Variants in ZNG1A observed in about 807,000 individuals in gnomAD.
ZNG1A encodes Zn regulated GTPase metalloprotein activator 1A, also known as zinc-regulated GTPase metalloprotein activator 1A.
the ZNG1A span, among the ~76,000 whole-genome samples, chr9:163,196 G>A: frequency 4.6e-5 from 7 of 152,046 alleles, no homozygotes; most frequent in Non-Finnish European, 5.9e-5. Context: ...AAACATAGTC[G>A]CTTAACTAAG....
At chr9:157,616 A>G in the ZNG1A span, among the ~76,000 whole-genome samples, 8 of 149,582 alleles carry the variant, frequency 5.3e-5, no homozygotes, top group African/African-American at 2.0e-4. Context: ...CCTCATCATC[A>G]CAGGATACTA....
chr9:125,176 T>C, the ZNG1A span, among the ~76,000 whole-genome samples: 1 of 152,126 alleles, frequency 6.6e-6, no homozygotes, highest in African/African-American at 2.4e-5. Context: ...CCACCAGCAG[T>C]GTAGAAGTGT....
At chr9:173,668 A>AT in the ZNG1A span, among the ~76,000 whole-genome samples, 1 of 151,852 alleles carries the variant, frequency 6.6e-6, no homozygotes, top group Admixed American at 6.6e-5. Context: ...TCTTGAAGGC[A>AT]TTTTTTTCTT....
At chr9:162,710 A>G in the ZNG1A span, among the ~76,000 whole-genome samples, 2 of 151,076 alleles carry the variant, frequency 1.3e-5, no homozygotes, top group African/African-American at 2.5e-5. Context: ...TATAAAACAA[A>G]TAAAAATTTT....
the ZNG1A span, among the ~76,000 whole-genome samples, chr9:130,180 A>C: frequency 3.9e-3 from 584 of 150,426 alleles, 8 homozygotes; most frequent in Admixed American, 0.024. Flanking sequence ...CTATTTTTAT[A>C]GCATAAGGTA....
At chr9:174,113 C>G in the ZNG1A span, among the ~76,000 whole-genome samples, 1 of 149,758 alleles carries the variant, frequency 6.7e-6, no homozygotes, top group Admixed American at 6.7e-5. Flanking sequence ...CGCCACTGCA[C>G]TCCAGCCTGG....
At chr9:174,538 T>G in the ZNG1A span, among the ~76,000 whole-genome samples, 2 of 152,000 alleles carry the variant, frequency 1.3e-5, no homozygotes, top group Non-Finnish European at 2.9e-5. Flanking sequence ...AGAATAAATG[T>G]AATCAGTGTG....
the ZNG1A span, chr9:147,935 G>C: frequency 6.6e-6 from 1 of 151,484 alleles, no homozygotes; most frequent in Non-Finnish European, 1.5e-5. Flanking sequence ...TGAAGCAGGA[G>C]AATCGCCTGA....
At chr9:120,896 C>G in the ZNG1A span, 1,725 of 159,438 alleles carry the variant, frequency 0.011, 23 homozygotes, top group African/African-American at 0.04. Context: ...TACACTACAA[C>G]TCCCCATTCC....
chr9:160,200 C>G, the ZNG1A span: 4 of 454,386 alleles, frequency 8.8e-6, no homozygotes, highest in Non-Finnish European at 1.3e-5. Flanking sequence ...GCATGATACC[C>G]CATGATATCA....
chr9:155,663 A>C, the ZNG1A span, among the ~76,000 whole-genome samples: 1 of 152,132 alleles, frequency 6.6e-6, no homozygotes, highest in Non-Finnish European at 1.5e-5. Flanking sequence ...GAATACAACT[A>C]AATTCTCAAA....
At chr9:156,106 G>A in the ZNG1A span, among the ~76,000 whole-genome samples, 2 of 149,298 alleles carry the variant, frequency 1.3e-5, no homozygotes, top group Non-Finnish European at 3.0e-5. Flanking sequence ...CAGCCTGGGT[G>A]ACAGTGAGAT....
the ZNG1A span, among the ~76,000 whole-genome samples, chr9:129,387 T>C: frequency 4.0e-5 from 6 of 151,476 alleles, no homozygotes; most frequent in African/African-American, 2.4e-5. Context: ...AGTACTTATT[T>C]TGTCACAGCA....
chr9:157,072 G>T, the ZNG1A span, among the ~76,000 whole-genome samples: 1 of 132,964 alleles, frequency 7.5e-6, no homozygotes. Context: ...AAACACCCTA[G>T]AAACAAATAA....
At chr9:161,682 T>G in the ZNG1A span, 7 of 1,114,788 alleles carry the variant, frequency 6.3e-6, no homozygotes, top group South Asian at 9.1e-5. Flanking sequence ...ATCATTTTAC[T>G]GTATGTAACA....
the ZNG1A span, chr9:177,711 C>T: frequency 3.4e-6 from 5 of 1,481,278 alleles, no homozygotes. Context: ...CTCCAGTGAT[C>T]TACTGACCTA....
At chr9:152,331 G>T in the ZNG1A span, among the ~76,000 whole-genome samples, 4 of 152,234 alleles carry the variant, frequency 2.6e-5, no homozygotes, top group South Asian at 8.3e-4. Context: ...ACAACTGTCA[G>T]ATTAAGGGCT....
the ZNG1A span, chr9:166,954 T>G: frequency 6.6e-6 from 1 of 152,104 alleles, no homozygotes; most frequent in Non-Finnish European, 1.5e-5. Flanking sequence ...AAAGTATTCA[T>G]GGTAATAAAC....
chr9:172,142 C>T, the ZNG1A span: 1 of 1,611,272 alleles, frequency 6.2e-7, no homozygotes, highest in South Asian at 1.1e-5. Flanking sequence ...TCTTTTGCAT[C>T]AAATTCTCAA....
Sources: allele counts gnomAD v4.1 joint callset (sites outside exome capture counted in the v4.1 genomes callset), GRCh38; gene constraint gnomAD v4.1.1; transcripts MANE v1.5; gene names NCBI Gene and HGNC (gene_info 2026-07-23, HGNC 2026-07-21).